CENPK: variants seen among roughly 807,000 people sequenced by gnomAD.
The protein encoded by CENPK is SoxLZ/Sox6-binding protein Solt.
Under a neutral mutation model 40.9 loss-of-function variants are expected in CENPK, and 46 were observed. The observed-to-expected ratio is 1.13, with a 90% CI of 0.89 to 1.44. The LOEUF (loss-of-function observed/expected upper bound fraction) is 1.44, where lower values mean the gene tolerates loss of function less well. CENPK is among the 40% of genes most tolerant of loss of function. The pLI is 0.00. For missense variants in CENPK, 288 were observed against 303.5 expected, an observed-to-expected ratio of 0.95 and a Z score of 0.38; for synonymous variants, 107 against 104.4, an observed-to-expected ratio of 1.02 and a Z score of -0.15.
At chr5:65,497,730 G>A in the CENPK span, among the ~76,000 whole-genome samples, 3 of 152,118 alleles carry the variant, frequency 2.0e-5, no homozygotes, top group East Asian at 5.8e-4. Flanking sequence ...AAAAAGGCAG[G>A]ACAGTGGCTC....
chr5:65,497,514 G>A, the CENPK span, among the ~76,000 whole-genome samples: 1 of 152,220 alleles, frequency 6.6e-6, no homozygotes, highest in Non-Finnish European at 1.5e-5. Context: ...ATGACAGCAA[G>A]ATAGGAGTCA....
the CENPK span, among the ~76,000 whole-genome samples, chr5:65,503,945 C>T: frequency 1.2e-4 from 17 of 147,808 alleles, no homozygotes; most frequent in Non-Finnish European, 2.2e-4. Context: ...CGTGAGTCAC[C>T]GTGCCCGGCC....
At chr5:65,550,788 G>A (rs567532133) in intron 5 of CENPK, 3 of 152,552 alleles carry the variant, frequency 2.0e-5, no homozygotes, top group African/African-American at 2.4e-5. Flanking sequence ...ATGTACTAGT[G>A]GAGTATCACA....
chr5:65,510,111 T>C, the CENPK span, among the ~76,000 whole-genome samples: 2 of 152,184 alleles, frequency 1.3e-5, no homozygotes, highest in Non-Finnish European at 2.9e-5. Context: ...AATCGCATAT[T>C]TCTCACTTTA....
At chr5:65,534,670 G>A (rs998491084) in intron 6 of CENPK, among the ~76,000 whole-genome samples, 1 of 152,162 alleles carries the variant, frequency 6.6e-6, no homozygotes, top group African/African-American at 2.4e-5. Flanking sequence ...GGAACAGTCA[G>A]TATCCAAATG....
rs1383105925 is a variant in CENPK, at chr5:65,536,692, C to T, written c.288+6110G>A. 2.0e-5 allele frequency among the ~76,000 whole-genome samples: 3 copies of T among 151,694 alleles called. No homozygotes were observed. In the East Asian group the frequency reaches 5.8e-4, roughly 29 times the overall value. The stretch of plus-strand genomic sequence containing the variant: ...TTATCTTTTATTCTGAGAAAATGTC[C>T]ATGTATTATTTATTTTATTATTTCT... On this transcript the variant is annotated intron_variant, in intron 6 of 10. Coordinates refer to ENST00000396679, the MANE Select transcript of CENPK (RefSeq NM_022145.5).
In CENPK at chr5:65,518,040, C is replaced by G. The variant is rs191377833; in HGVS notation, c.*435G>C. The G allele has an allele frequency of 1.3e-5, 2 of 152,260 alleles. No homozygotes were observed. The highest frequency in any genetic ancestry group is 3.9e-4 in the East Asian group (2 of 5,194). 9.4% of individuals were successfully genotyped at this position (152,260 alleles called of 1,614,324 possible). A position where few individuals can be genotyped will look rare whatever the true frequency, so the allele number is the denominator to read the frequency against. ...TTAAATTATGCCACCTCAGATATTA[C>G]CTCAATTTTAAAACCATCTGTAAAT... On this transcript the variant is annotated 3_prime_UTR_variant, in exon 11 of 11. Transcript: ENST00000396679.
chr5:65,542,957 T>C, intron 5 of CENPK, 109 bp from the exon 6 acceptor site: 1 of 892,736 alleles, frequency 1.1e-6, no homozygotes, highest in Non-Finnish European at 1.7e-6. Context: ...TCCATTTATA[T>C]AATATACAAC....
At chr5:65,540,048 T>A (rs1179519839) in intron 6 of CENPK, among the ~76,000 whole-genome samples, 1 of 152,238 alleles carries the variant, frequency 6.6e-6, no homozygotes, top group African/African-American at 2.4e-5. Context: ...TCAGTTGAGA[T>A]GGCTGACTAA....
chr5:65,560,162 G>A (rs1751715967), intron 2 of CENPK, among the ~76,000 whole-genome samples: 1 of 151,574 alleles, frequency 6.6e-6, no homozygotes, highest in South Asian at 2.1e-4. Context: ...TTTTAATTCT[G>A]CATGGACAAA....
the CENPK span, among the ~76,000 whole-genome samples, chr5:65,503,296 G>A: frequency 4.6e-5 from 7 of 151,952 alleles, no homozygotes; most frequent in Admixed American, 3.3e-4. Flanking sequence ...TAGTAGAGAC[G>A]GGGTTTTGCC....
At chr5:65,542,758 T>C (rs780174811) in intron 6 of CENPK, 44 bp downstream of exon 6, 39 of 1,446,378 alleles carry the variant, frequency 2.7e-5, no homozygotes, top group Non-Finnish European at 3.7e-5. Flanking sequence ...ATAGATCTAG[T>C]TAGAAATTAT....
rs2150354303 is a variant in CENPK, at chr5:65,524,410, G to A, written c.598-2882C>T. On this transcript the variant is annotated intron_variant, in intron 9 of 10. Transcript: ENST00000396679. Reference sequence around the variant, plus strand: ...AAAAAAAAAACAAACAAAAACTCTGGGAGGCTGAGTCGGGCGGATCATAAG... The same window carrying A: ...AAAAAAAAAACAAACAAAAACTCTGAGAGGCTGAGTCGGGCGGATCATAAG... Among the ~76,000 whole-genome samples the A allele has an allele frequency of 2.0e-5, 3 of 149,784 alleles. No individual in the cohort carries two copies. In the South Asian group the frequency reaches 6.4e-4, roughly 32 times the overall value.
At chr5:65,517,334 C>T (rs1227092446), downstream of CENPK, among the ~76,000 whole-genome samples, 2 of 152,150 alleles carry the variant, frequency 1.3e-5, no homozygotes, top group Non-Finnish European at 2.9e-5. Context: ...CTGAAGAATT[C>T]TTGTCAGACC....
intron 1 of CENPK, 119 bp downstream of exon 1, chr5:65,562,979 G>A (rs766578739): frequency 2.6e-5 from 5 of 192,432 alleles, no homozygotes; most frequent in Non-Finnish European, 5.4e-5. Context: ...AGAAGAACGG[G>A]ACTCAAAGCC....
intron 2 of CENPK, among the ~76,000 whole-genome samples, chr5:65,558,887 G>T (rs430360): frequency 0.59 from 89,620 of 151,522 alleles, 26,811 homozygotes; most frequent in Non-Finnish European, 0.63. Context: ...AATTATGATA[G>T]TAGTACTGCA....
intron 5 of CENPK, chr5:65,550,584 C>G (rs1251736472): frequency 6.6e-6 from 1 of 152,104 alleles, no homozygotes; most frequent in African/African-American, 2.4e-5. Flanking sequence ...ATCCCCCAAC[C>G]AGATGTAATA....
rs138231702 is a variant in CENPK at position 65,524,394 on chromosome 5, A to C, written c.598-2866T>G. 9.3e-3 allele frequency among the ~76,000 whole-genome samples: 1,397 copies of C among 150,870 alleles called. 24 individuals carry two copies. Among genetic ancestry groups the C allele is most frequent in the African/African-American group, 0.033 (1,339 of 40,988 alleles). On this transcript the variant is annotated intron_variant, in intron 9 of 10. Coordinates refer to ENST00000396679, the MANE Select transcript of CENPK (RefSeq NM_022145.5). ...AGCGAGACTCCAACTCAAAAAAAAAACAAACAAAAACTCTGGGAGGCTGAG... is the reference window on the plus strand; with the variant it reads ...AGCGAGACTCCAACTCAAAAAAAAACCAAACAAAAACTCTGGGAGGCTGAG...
rs70983677 is a variant in CENPK, at chr5:65,547,390, CA to C, written c.241+4173del. Among the ~76,000 whole-genome samples the C allele has an allele frequency of 3.1e-3, 342 of 109,284 alleles. 1 individual carries two copies. The highest frequency in any genetic ancestry group is 4.8e-3 in the Middle Eastern group (1 of 210). 71.7% of individuals were successfully genotyped at this position (109,284 alleles called of 152,430 possible). On this transcript the variant is annotated intron_variant, in intron 5 of 10. Transcript: ENST00000396679. ...CCTGGGCGACAGAGTAAGACTGTCT[CA>C]AAAAAAAAAAAAAAAAATTTTGAGT...
Sources: gnomAD v4.1 joint callset for allele counts (sites outside exome capture counted in the v4.1 genomes callset) on GRCh38, gnomAD v4.1.1 for gene constraint, MANE v1.5 for transcripts, NCBI Gene and HGNC (gene_info 2026-07-23, HGNC 2026-07-21) for gene names.